Variants in TCF7L2 observed in about 807,000 individuals in gnomAD.
TCF7L2 encodes the protein transcription factor 7 like 2.
A neutral mutation model predicts 77.9 loss-of-function variants in TCF7L2; 23 were observed. That is an observed-to-expected ratio of 0.30 (90% CI 0.21 to 0.42). TCF7L2 has a LOEUF of 0.42. Among genes scored for constraint, TCF7L2 ranks in the 10% least tolerant of loss-of-function variants. The probability of loss-of-function intolerance (pLI) is 1.00; values close to 1 mark genes in which losing one functional copy is unlikely to be tolerated. For missense variants in TCF7L2, 654 were observed against 793.1 expected, an observed-to-expected ratio of 0.82 and a Z score of 2.11; for synonymous variants, 413 against 340.2, an observed-to-expected ratio of 1.21 and a Z score of -2.36.
intron 4 of TCF7L2, among the ~76,000 whole-genome samples, chr10:113,002,811 T>G (rs766819984): frequency 1.3e-5 from 2 of 152,188 alleles, no homozygotes; most frequent in African/African-American, 4.8e-5. Context: ...AAAAACCACA[T>G]TATCCCTCCA....
intron 4 of TCF7L2, among the ~76,000 whole-genome samples, chr10:113,038,945 G>A (rs752317334): frequency 3.3e-5 from 5 of 152,162 alleles, no homozygotes; most frequent in Non-Finnish European, 5.9e-5. Context: ...GGAGGTCTCC[G>A]AAATGACCAA....
At chr10:113,024,659 C>A (rs2048824241) in intron 4 of TCF7L2, among the ~76,000 whole-genome samples, 1 of 126,650 alleles carries the variant, frequency 7.9e-6, no homozygotes, top group Non-Finnish European at 1.6e-5. Context: ...CACGCTTGTT[C>A]CCCAGGCTGG....
chr10:112,951,439 C>T (rs1256006732), intron 2 of TCF7L2, 44 bp from the exon 3 acceptor site: 1 of 1,370,758 alleles, frequency 7.3e-7, no homozygotes, highest in Admixed American at 2.2e-5. Flanking sequence ...CTCTCTCCCG[C>T]TCCGCGCGGC....
At chr10:113,062,635 A>G (rs554579918) in intron 5 of TCF7L2, among the ~76,000 whole-genome samples, 2 of 152,060 alleles carry the variant, frequency 1.3e-5, no homozygotes, top group East Asian at 3.9e-4. Context: ...AATGGTTAAG[A>G]GATAGTTTAG....
At chr10:113,029,552 AT>A (rs1341944696) in intron 4 of TCF7L2, among the ~76,000 whole-genome samples, 2 of 142,456 alleles carry the variant, frequency 1.4e-5, no homozygotes, top group Non-Finnish European at 3.0e-5. Flanking sequence ...TTGAGATGGA[AT>A]TTCGCTTTTG....
chr10:113,086,285 G>A lies in TCF7L2; in HGVS notation c.552+46159G>A, dbSNP rs547371035. The stretch of plus-strand genomic sequence containing the variant: ...TCTCTCCTCAAACCCAATTCAAACT[G>A]GCCTGAGCAAAATGAATGTATTGAT... On this transcript the variant is annotated intron_variant, in intron 5 of 13. Coordinates refer to ENST00000627217, the MANE Select transcript of TCF7L2 (RefSeq NM_001146274.2). Among the ~76,000 whole-genome samples the A allele has an allele frequency of 2.6e-5, 4 of 152,246 alleles. No homozygotes were observed. In the South Asian group the frequency reaches 6.2e-4, roughly 24 times the overall value.
At chr10:113,083,489 T>A (rs1332822329) in intron 5 of TCF7L2, among the ~76,000 whole-genome samples, 2 of 152,234 alleles carry the variant, frequency 1.3e-5, no homozygotes, top group African/African-American at 4.8e-5. Context: ...TGATGGCAGT[T>A]TCTTTGCCTT....
At chr10:113,124,214 G>C (rs968238611) in intron 5 of TCF7L2, among the ~76,000 whole-genome samples, 1 of 151,984 alleles carries the variant, frequency 6.6e-6, no homozygotes, top group Non-Finnish European at 1.5e-5. Flanking sequence ...TTTTTTATGA[G>C]AACTTTGCCA....
At chr10:112,952,228 T>C (rs1252415848) in intron 3 of TCF7L2, among the ~76,000 whole-genome samples, 1 of 152,162 alleles carries the variant, frequency 6.6e-6, no homozygotes. Context: ...TGGGCGACTA[T>C]GTATTTAGCT....
chr10:113,090,287 A>G (rs534154258), intron 5 of TCF7L2, among the ~76,000 whole-genome samples: 1 of 152,368 alleles, frequency 6.6e-6, no homozygotes, highest in Admixed American at 6.5e-5. Context: ...ATTTAGTACT[A>G]GTGTTAGCTT....
intron 11 of TCF7L2, among the ~76,000 whole-genome samples, chr10:113,153,532 C>T (rs1042621000): frequency 1.1e-4 from 16 of 152,136 alleles, no homozygotes; most frequent in African/African-American, 3.4e-4. Flanking sequence ...GGGTCGAGGT[C>T]GTTAAATTAT....
At chr10:112,996,277 G>A (rs1390007319) in intron 4 of TCF7L2, among the ~76,000 whole-genome samples, 1 of 152,180 alleles carries the variant, frequency 6.6e-6, no homozygotes, top group Non-Finnish European at 1.5e-5. Flanking sequence ...GGCGACCGAA[G>A]TGATATGGGG....
At position 112,965,617 on chromosome 10, in the gene TCF7L2, GTGTGTGTGTATA is replaced by G. The variant is rs1162990916; in HGVS notation, c.450+1003_450+1014del. 1.0e-3 allele frequency among the ~76,000 whole-genome samples: 120 copies of G among 115,214 alleles called. 1 individual carries two copies. The East Asian group carries it at 0.012, about 12-fold the overall frequency. The allele number at this position is 115,214 out of a possible 152,430, so 75.6% of individuals were successfully genotyped here. ...AAGAGCCCTTGCAGATAACTTGTCT[GTGTGTGTGTATA>G]TGTGTGTGTGTGTGTGTGTGTGTGT... On this transcript the variant is annotated intron_variant, in intron 4 of 13. Coordinates refer to ENST00000627217, the MANE Select transcript of TCF7L2 (RefSeq NM_001146274.2).
chr10:112,999,691 C>T (rs1364326117), intron 4 of TCF7L2, among the ~76,000 whole-genome samples: 1 of 152,212 alleles, frequency 6.6e-6, no homozygotes, highest in East Asian at 1.9e-4. Context: ...TAAGGGTTTG[C>T]ATGCTTCTAG....
intron 4 of TCF7L2, among the ~76,000 whole-genome samples, chr10:113,023,450 A>G (rs1390297580): frequency 1.3e-5 from 2 of 152,064 alleles, no homozygotes; most frequent in African/African-American, 2.4e-5. Flanking sequence ...GATATATTTA[A>G]AATACCTGAA....
At chr10:113,107,349 C>T (rs2062462791) in intron 5 of TCF7L2, among the ~76,000 whole-genome samples, 1 of 152,068 alleles carries the variant, frequency 6.6e-6, no homozygotes, top group Admixed American at 6.6e-5. Context: ...CCCCTCACCC[C>T]CTTCCCCTCC....
intron 5 of TCF7L2, among the ~76,000 whole-genome samples, chr10:113,074,832 C>T (rs564376954): frequency 7.9e-5 from 12 of 152,262 alleles, no homozygotes; most frequent in African/African-American, 2.9e-4. Flanking sequence ...GTTGTAACAG[C>T]TGGGCAGGGG....
chr10:113,121,312 T>G (rs1370530314), intron 5 of TCF7L2, among the ~76,000 whole-genome samples: 1 of 152,206 alleles, frequency 6.6e-6, no homozygotes, highest in Admixed American at 6.5e-5. Context: ...GCAAAGCAGG[T>G]GGCTCCCTGT....
intron 5 of TCF7L2, among the ~76,000 whole-genome samples, chr10:113,097,665 A>T (rs1444055782): frequency 3.4e-5 from 5 of 148,078 alleles, no homozygotes; most frequent in Non-Finnish European, 4.5e-5. Flanking sequence ...AAAAAAAAAA[A>T]AAAAAAAAAC....
Sources: gnomAD v4.1 joint callset for allele counts (sites outside exome capture counted in the v4.1 genomes callset) on GRCh38, gnomAD v4.1.1 for gene constraint, MANE v1.5 for transcripts, NCBI Gene and HGNC (gene_info 2026-07-23, HGNC 2026-07-21) for gene names.